Variants in GLI2 observed in about 807,000 individuals in gnomAD.
GLI2 encodes the protein transcription activator GLI2.
GLI2 carries 22 observed loss-of-function variants against 78.9 expected under a neutral mutation model. That is an observed-to-expected ratio of 0.28 (90% confidence interval 0.20 to 0.40). The LOEUF is 0.40. Among genes scored for constraint, GLI2 ranks in the 10% least tolerant of loss-of-function variants. The pLI, the probability that GLI2 is intolerant of heterozygous loss-of-function variation, is 1.00. For missense variants in GLI2, 2,097 were observed against 2,213.2 expected (o/e 0.95, Z 1.05); for synonymous variants, 974 against 963.7 (o/e 1.01, Z -0.20).
At chr2:120,833,008 T>C (rs1171877829) in intron 2 of GLI2, among the ~76,000 whole-genome samples, 1 of 152,112 alleles carries the variant, frequency 6.6e-6, no homozygotes, top group Non-Finnish European at 1.5e-5. Flanking sequence ...ACATGGAAAC[T>C]TGGGGCCTGG....
At chr2:120,762,485 G>A (rs78683586) in intron 1 of GLI2, among the ~76,000 whole-genome samples, 5,160 of 152,298 alleles carry the variant, frequency 0.034, 132 homozygotes, top group Middle Eastern at 0.048. Context: ...CCACAGCTGA[G>A]TGACTGAGAC....
intron 2 of GLI2, among the ~76,000 whole-genome samples, chr2:120,889,439 A>C (rs1445955904): frequency 2.0e-5 from 3 of 152,248 alleles, no homozygotes; most frequent in Non-Finnish European, 4.4e-5. Flanking sequence ...CAGGACTCTT[A>C]GACTTGATAC....
intron 2 of GLI2, among the ~76,000 whole-genome samples, chr2:120,889,632 T>TA (rs1221962700): frequency 6.6e-6 from 1 of 151,356 alleles, no homozygotes; most frequent in Non-Finnish European, 1.5e-5. Context: ...AACTCAACAG[T>TA]AAAAAAGAAA....
chr2:120,765,287 C>T (rs951358418), intron 1 of GLI2, among the ~76,000 whole-genome samples: 1 of 152,246 alleles, frequency 6.6e-6, no homozygotes, highest in African/African-American at 2.4e-5. Flanking sequence ...AGACGGGCCG[C>T]CTGTCCTTTT....
At chr2:120,757,706 G>A (rs560890782) in intron 1 of GLI2, among the ~76,000 whole-genome samples, 10 of 152,100 alleles carry the variant, frequency 6.6e-5, no homozygotes, top group Non-Finnish European at 1.5e-4. Flanking sequence ...TCTTACCCTG[G>A]TCTCCCTCCT....
In GLI2 at chr2:120,823,809, C is replaced by T. The variant is rs148809168; in HGVS notation, c.148+26341C>T. On this transcript the variant is annotated intron_variant, in intron 2 of 13. Coordinates refer to ENST00000361492, the MANE Select transcript of GLI2 (RefSeq NM_001374353.1). ...GCGGAAGTGAAGCCGTGTGGGATTC[C>T]GATAGGCCTAGGCGAAGGCGCAGTA... 2.6e-3 allele frequency among the ~76,000 whole-genome samples: 394 copies of T among 152,230 alleles called. 2 individuals are homozygous for T. The highest frequency in any genetic ancestry group is 7.6e-3 in the African/African-American group (317 of 41,546).
intron 1 of GLI2, among the ~76,000 whole-genome samples, chr2:120,742,311 A>G (rs1337139730): frequency 1.3e-5 from 2 of 152,194 alleles, no homozygotes; most frequent in Non-Finnish European, 1.5e-5. Flanking sequence ...CCTGATGTTA[A>G]AAGAGCGTCC....
chr2:120,799,984 A>C (rs1224709237), intron 2 of GLI2, among the ~76,000 whole-genome samples: 2 of 152,244 alleles, frequency 1.3e-5, no homozygotes, highest in South Asian at 2.1e-4. Context: ...GCCTGGCATG[A>C]GGGGTACCCA....
intron 2 of GLI2, among the ~76,000 whole-genome samples, chr2:120,838,075 T>C (rs942146232): frequency 6.6e-6 from 1 of 152,232 alleles, no homozygotes; most frequent in Non-Finnish European, 1.5e-5. Context: ...TTGGAGAAGA[T>C]TGCCATCTTT....
Position 120,988,804 on chromosome 2 carries a change from G to A in GLI2, c.2839G>A (p.Gly947Ser), listed in dbSNP as rs532167984. 118 of 1,401,604 alleles carry A rather than the reference G, an allele frequency of 8.4e-5. No individual in the cohort carries two copies. Among genetic ancestry groups the A allele is most frequent in the Middle Eastern group, 2.5e-4 (1 of 4,078 alleles). The allele number at this position is 1,401,604 out of a possible 1,614,324, so 86.8% of individuals were successfully genotyped here. ...APAFPHEAPG[G>S]GARRASDPVR... ...CGCCTTCCCCCACGAGGCTCCAGGCGGCGGAGCCAGGCGGGCCAGCGACCC... is the reference window on the plus strand; with the variant it reads ...CGCCTTCCCCCACGAGGCTCCAGGCAGCGGAGCCAGGCGGGCCAGCGACCC... Residue 947 changes from glycine (G) to serine (S), a missense_variant, in exon 14 of 14, where the codon GGC becomes AGC. Transcript: ENST00000361492.
chr2:120,938,492 G>A (rs1680298387), intron 3 of GLI2, among the ~76,000 whole-genome samples: 1 of 152,232 alleles, frequency 6.6e-6, no homozygotes, highest in South Asian at 2.1e-4. Flanking sequence ...CTCCTTTGTA[G>A]GCACAATTTT....
chr2:120,913,888 A>G lies in GLI2; in HGVS notation c.149-13473A>G, dbSNP rs546370290. 3.9e-5 allele frequency among the ~76,000 whole-genome samples: 6 copies of G among 152,280 alleles called. No individual in the cohort carries two copies. The South Asian group carries it at 1.2e-3, about 32-fold the overall frequency. ...CATCACCAGGGCCTGGTGGAGACCA[A>G]ATGTGGTGGCCTTACTGTCGTCTCA... On this transcript the variant is annotated intron_variant, in intron 2 of 13. Transcript: ENST00000361492.
rs112489305 is a variant in GLI2 at position 120,952,402 on chromosome 2, C to T, written c.457+957C>T. Among the ~76,000 whole-genome samples, 787 of 152,306 alleles carry T rather than the reference C, an allele frequency of 5.2e-3. 3 individuals are homozygous for T. Among genetic ancestry groups the T allele is most frequent in the African/African-American group, 0.018 (740 of 41,556 alleles). On this transcript the variant is annotated intron_variant, in intron 4 of 13. Coordinates refer to ENST00000361492, the MANE Select transcript of GLI2 (RefSeq NM_001374353.1). The stretch of plus-strand genomic sequence containing the variant: ...CTCTTATCACTACCAGCATTCTCCC[C>T]GAGAGGAATGCATCCTCTTCCAACT...
intron 2 of GLI2, among the ~76,000 whole-genome samples, chr2:120,869,515 G>T (rs1465182230): frequency 6.6e-6 from 1 of 152,086 alleles, no homozygotes; most frequent in African/African-American, 2.4e-5. Context: ...ATCCTCCTAG[G>T]TAATGAGCAA....
At chr2:120,911,569 C>T (rs937898641) in intron 2 of GLI2, among the ~76,000 whole-genome samples, 10 of 152,156 alleles carry the variant, frequency 6.6e-5, no homozygotes, top group African/African-American at 1.9e-4. Context: ...TTGTTATCCT[C>T]GGGTTCTGTT....
At chr2:120,846,581 C>T (rs913429816) in intron 2 of GLI2, among the ~76,000 whole-genome samples, 3 of 152,194 alleles carry the variant, frequency 2.0e-5, no homozygotes, top group African/African-American at 7.2e-5. Context: ...CTGGTCGTGC[C>T]GAAGCACCTG....
chr2:120,795,391 C>T (rs928053648), intron 1 of GLI2, among the ~76,000 whole-genome samples: 34 of 151,854 alleles, frequency 2.2e-4, no homozygotes, highest in African/African-American at 7.5e-4. Flanking sequence ...AGTGTGATGG[C>T]GCATGCCTGT....
intron 2 of GLI2, among the ~76,000 whole-genome samples, chr2:120,875,066 C>T (rs571832735): frequency 6.6e-6 from 1 of 152,356 alleles, no homozygotes; most frequent in East Asian, 1.9e-4. Flanking sequence ...GTGTCTGAGA[C>T]TCGCCAGTGG....
At chr2:120,841,848 GGT>G (rs555474895) in intron 2 of GLI2, among the ~76,000 whole-genome samples, 3,625 of 132,426 alleles carry the variant, frequency 0.027, 43 homozygotes, top group Middle Eastern at 0.053. Flanking sequence ...CAGTCTGGAG[GGT>G]GTGTGTGTGT....
Sources: allele counts gnomAD v4.1 joint callset (sites outside exome capture counted in the v4.1 genomes callset), GRCh38; gene constraint gnomAD v4.1.1; transcripts MANE v1.5; gene names NCBI Gene and HGNC (gene_info 2026-07-23, HGNC 2026-07-21).